PTPRD: variants seen among roughly 807,000 people sequenced by gnomAD.
The protein encoded by PTPRD is protein tyrosine phosphatase receptor type D.
In PTPRD, 34 loss-of-function variants were observed where a neutral mutation model predicts 214.5. That is an observed-to-expected ratio of 0.16 (90% CI 0.12 to 0.21). PTPRD has a LOEUF of 0.21. Among genes scored for constraint, PTPRD ranks in the 10% least tolerant of loss-of-function variants. PTPRD has a pLI of 1.00. For missense variants in PTPRD, 2,545 were observed against 2,398.7 expected (o/e 1.06, Z -1.27); for synonymous variants, 1,128 against 845.7 (o/e 1.33, Z -5.79).
At chr9:9,614,253 T>C (rs1447157499) in intron 7 of PTPRD, among the ~76,000 whole-genome samples, 1 of 152,150 alleles carries the variant, frequency 6.6e-6, no homozygotes, top group Non-Finnish European at 1.5e-5. Context: ...ACCAGTGTGA[T>C]ACATTCAAAT....
At chr9:9,728,028 C>T (rs1307636261) in intron 7 of PTPRD, among the ~76,000 whole-genome samples, 3 of 152,104 alleles carry the variant, frequency 2.0e-5, no homozygotes, top group East Asian at 1.9e-4. Flanking sequence ...CAGTTTCCCC[C>T]ATACAGTTCT....
At chr9:9,871,808 A>G (rs911725706) in intron 5 of PTPRD, among the ~76,000 whole-genome samples, 7 of 152,112 alleles carry the variant, frequency 4.6e-5, no homozygotes, top group Admixed American at 1.3e-4. Flanking sequence ...AGGCCCTAAG[A>G]TTATCTTCTG....
chr9:9,738,795 C>T (rs2098348034), intron 6 of PTPRD, among the ~76,000 whole-genome samples: 1 of 151,996 alleles, frequency 6.6e-6, no homozygotes, highest in Non-Finnish European at 1.5e-5. Context: ...TCTAAGTGAT[C>T]TCAATATTTT....
chr9:9,171,025 A>T (rs557498005), intron 10 of PTPRD, among the ~76,000 whole-genome samples: 77 of 152,246 alleles, frequency 5.1e-4, no homozygotes, highest in African/African-American at 1.8e-3. Flanking sequence ...AGCTTAAGAA[A>T]CACCTGCCAC....
intron 11 of PTPRD, among the ~76,000 whole-genome samples, chr9:8,909,132 A>G (rs1417435773): frequency 6.6e-6 from 1 of 151,982 alleles, no homozygotes; most frequent in Non-Finnish European, 1.5e-5. Context: ...TTCAGCTGGG[A>G]ATTAAAAATC....
chr9:10,171,724 T>C (rs953475378), intron 3 of PTPRD, among the ~76,000 whole-genome samples: 3 of 152,016 alleles, frequency 2.0e-5, no homozygotes, highest in Admixed American at 6.6e-5. Flanking sequence ...GGGGTTTCAC[T>C]GTGTTAACCA....
At chr9:10,509,602 T>C (rs1013529722) in intron 2 of PTPRD, among the ~76,000 whole-genome samples, 5 of 140,890 alleles carry the variant, frequency 3.5e-5, no homozygotes, top group African/African-American at 1.3e-4. Flanking sequence ...ACTTACTTTC[T>C]GGCATCACAA....
intron 3 of PTPRD, among the ~76,000 whole-genome samples, chr9:10,303,041 T>A (rs1036958669): frequency 6.6e-6 from 1 of 151,882 alleles, no homozygotes; most frequent in Non-Finnish European, 1.5e-5. Context: ...TGCAAAACAA[T>A]AGCAATCATA....
chr9:9,961,192 A>G (rs1215278629), intron 4 of PTPRD, among the ~76,000 whole-genome samples: 7 of 152,102 alleles, frequency 4.6e-5, no homozygotes, highest in African/African-American at 1.7e-4. Context: ...TATAGCTCAC[A>G]AGCAGATACA....
intron 2 of PTPRD, among the ~76,000 whole-genome samples, chr9:10,440,546 T>C (rs960236191): frequency 1.1e-4 from 17 of 151,538 alleles, no homozygotes; most frequent in Non-Finnish European, 3.0e-5. Flanking sequence ...TGATGAGACA[T>C]AGAGAAAGAT....
At chr9:9,170,202 T>C (rs1253054291) in intron 10 of PTPRD, among the ~76,000 whole-genome samples, 1 of 152,198 alleles carries the variant, frequency 6.6e-6, no homozygotes, top group East Asian at 1.9e-4. Flanking sequence ...GATCATTGTG[T>C]TTAGATTTCT....
chr9:9,149,681 C>G (rs946834875), intron 10 of PTPRD, among the ~76,000 whole-genome samples: 8 of 152,216 alleles, frequency 5.3e-5, no homozygotes, highest in African/African-American at 1.9e-4. Context: ...AGTTATCTCA[C>G]TTAGATTCTT....
At chr9:9,237,298 C>T (rs1027335511) in intron 9 of PTPRD, among the ~76,000 whole-genome samples, 3 of 152,082 alleles carry the variant, frequency 2.0e-5, no homozygotes, top group African/African-American at 4.8e-5. Flanking sequence ...GGCATGATGG[C>T]ACACACTTGT....
chr9:10,136,622 T>C (rs1401239523), intron 3 of PTPRD, among the ~76,000 whole-genome samples: 11 of 133,334 alleles, frequency 8.2e-5, no homozygotes. Flanking sequence ...GGCATTACCA[T>C]TCAGGACATA....
At position 8,350,638 on chromosome 9, in the gene PTPRD, C is replaced by T. The variant is rs916600020; in HGVS notation, c.4662-8660G>A. On this transcript the variant is annotated intron_variant, in intron 39 of 45. Coordinates refer to ENST00000381196, the MANE Select transcript of PTPRD (RefSeq NM_002839.4). ...TATAAGCAGATACTGGGCATCTCTA[C>T]GATATTTGGGGTTCACTACAAAAAA... is the stretch of plus-strand genomic sequence containing the variant. 3.3e-5 allele frequency among the ~76,000 whole-genome samples: 5 copies of T among 152,022 alleles called. No individual in the cohort carries two copies. The East Asian group carries it at 5.8e-4, about 18-fold the overall frequency.
intron 4 of PTPRD, among the ~76,000 whole-genome samples, chr9:9,964,416 C>G (rs977394810): frequency 1.3e-5 from 2 of 152,128 alleles, no homozygotes; most frequent in Non-Finnish European, 2.9e-5. Context: ...AGAATGTTTT[C>G]TTTCCGTATA....
At chr9:10,289,015 G>C (rs1401079852) in intron 3 of PTPRD, among the ~76,000 whole-genome samples, 1 of 138,750 alleles carries the variant, frequency 7.2e-6, no homozygotes, top group African/African-American at 2.9e-5. Context: ...TCCAAATTAA[G>C]ATGGAGAGTT....
chr9:9,931,651 G>C (rs1265910684), intron 5 of PTPRD, among the ~76,000 whole-genome samples: 2 of 151,526 alleles, frequency 1.3e-5, no homozygotes, highest in African/African-American at 4.8e-5. Flanking sequence ...GGCTGGGGGA[G>C]GGGCGCCCAC....
intron 3 of PTPRD, among the ~76,000 whole-genome samples, chr9:10,127,777 C>A (rs1436774473): frequency 6.6e-6 from 1 of 152,094 alleles, no homozygotes; most frequent in Non-Finnish European, 1.5e-5. Flanking sequence ...CTGCAATAAT[C>A]TATTTTGATC....
Sources: allele counts gnomAD v4.1 joint callset (sites outside exome capture counted in the v4.1 genomes callset), GRCh38; gene constraint gnomAD v4.1.1; transcripts MANE v1.5; gene names NCBI Gene and HGNC (gene_info 2026-07-23, HGNC 2026-07-21).